QKI: variants seen among roughly 807,000 people sequenced by gnomAD.
The protein encoded by QKI is KH domain-containing RNA-binding protein QKI.
A neutral mutation model predicts 39.0 loss-of-function variants in QKI; 10 were observed. The observed-to-expected ratio is 0.26, with a 90% CI of 0.16 to 0.43. The LOEUF is 0.43. Ranked by LOEUF, QKI falls within the 20% of genes least tolerant of loss-of-function variation. QKI has a pLI of 1.00. For missense variants in QKI, 218 were observed against 428.0 expected, an observed-to-expected ratio of 0.51 and a Z score of 4.33; for synonymous variants, 204 against 155.4, an observed-to-expected ratio of 1.31 and a Z score of -2.33.
intron 7 of QKI, chr6:163,568,118 CAT>C (rs2128252130): frequency 2.0e-6 from 2 of 985,374 alleles, no homozygotes; most frequent in South Asian, 4.7e-5. Context: ...GAGCACGTCT[CAT>C]AGGGATGGGG....
intron 1 of QKI, among the ~76,000 whole-genome samples, chr6:163,422,128 A>T (rs1788041254): frequency 6.6e-6 from 1 of 152,188 alleles, no homozygotes; most frequent in Non-Finnish European, 1.5e-5. Context: ...ATGAATTTTT[A>T]AAAAATATAT....
At position 163,470,165 on chromosome 6, in the gene QKI, G is replaced by A. The variant is rs181717081; in HGVS notation, c.286-8615G>A. 2.4e-3 allele frequency among the ~76,000 whole-genome samples: 367 copies of A among 152,210 alleles called. 7 individuals are homozygous for A. The highest frequency in any genetic ancestry group is 9.0e-4 in the Non-Finnish European group (61 of 68,006). On this transcript the variant is annotated intron_variant, in intron 2 of 7. Coordinates refer to ENST00000361752, the MANE Select transcript of QKI (RefSeq NM_006775.3). Reference sequence around the variant, plus strand: ...GGGGATCTCTTTTTCTGCTGAGCACGTTTGCAGAATCTGGAGAGGACAGAC... The same window carrying A: ...GGGGATCTCTTTTTCTGCTGAGCACATTTGCAGAATCTGGAGAGGACAGAC...
At chr6:163,567,712 C>CA in intron 7 of QKI, 1 of 983,948 alleles carries the variant, frequency 1.0e-6, no homozygotes, top group Non-Finnish European at 1.2e-6. Flanking sequence ...ATAGGAATAT[C>CA]AAGCATGGTA....
chr6:163,567,174 G>A (rs1212127872), intron 7 of QKI: 30 of 1,007,306 alleles, frequency 3.0e-5, no homozygotes, highest in Non-Finnish European at 3.6e-5. Context: ...TGAATTGAAC[G>A]GATGGTGCTT....
At chr6:163,433,325 A>T (rs967560492) in intron 1 of QKI, among the ~76,000 whole-genome samples, 4 of 152,206 alleles carry the variant, frequency 2.6e-5, no homozygotes, top group African/African-American at 9.6e-5. Context: ...GTGAAAGTAT[A>T]GGAGCAAGTG....
In QKI at chr6:163,427,506, A is replaced by G. The variant is rs186586551; in HGVS notation, c.142+12171A>G. The stretch of plus-strand genomic sequence containing the variant: ...TGGTGGGGGGGTCCTCATTCTGTGT[A>G]TACTAAGTTTTAATTTCTACTGAAT... On this transcript the variant is annotated intron_variant, in intron 1 of 7. Coordinates refer to ENST00000361752, the MANE Select transcript of QKI (RefSeq NM_006775.3). 6.4e-3 allele frequency among the ~76,000 whole-genome samples: 972 copies of G among 152,028 alleles called. 2 individuals are homozygous for G. The highest frequency in any genetic ancestry group is 0.02 in the Middle Eastern group (6 of 294).
At chr6:163,533,088 T>G (rs992574853) in intron 3 of QKI, among the ~76,000 whole-genome samples, 5 of 152,004 alleles carry the variant, frequency 3.3e-5, no homozygotes, top group African/African-American at 1.2e-4. Flanking sequence ...AGGTGCACTT[T>G]TAGGCCCACC....
At chr6:163,564,847 G>A in intron 6 of QKI, 1 of 1,479,072 alleles carries the variant, frequency 6.8e-7, no homozygotes. Context: ...ATATGACCTT[G>A]GTGCTGCATG....
At chr6:163,421,324 T>C (rs1373394846) in intron 1 of QKI, among the ~76,000 whole-genome samples, 1 of 152,266 alleles carries the variant, frequency 6.6e-6, no homozygotes, top group African/African-American at 2.4e-5. Flanking sequence ...GTATAGTTTC[T>C]TGTCAGTCCT....
At chr6:163,476,314 G>A (rs202161216) in intron 2 of QKI, among the ~76,000 whole-genome samples, 4 of 140,626 alleles carry the variant, frequency 2.8e-5, no homozygotes, top group East Asian at 4.1e-4. Context: ...TCTTTGTCCT[G>A]TAGTCTTTTT....
chr6:163,509,151 A>G (rs111455440), intron 3 of QKI, among the ~76,000 whole-genome samples: 3,495 of 149,954 alleles, frequency 0.023, 128 homozygotes, highest in African/African-American at 0.083. Flanking sequence ...CAGTCAGTCA[A>G]TCAGTCAGTC....
At chr6:163,497,372 A>C (rs1324785800) in intron 3 of QKI, among the ~76,000 whole-genome samples, 1 of 152,130 alleles carries the variant, frequency 6.6e-6, no homozygotes, top group African/African-American at 2.4e-5. Context: ...TTATTGACTT[A>C]AAATTTTTAA....
At chr6:163,455,489 G>A in intron 2 of QKI, 68 bp downstream of exon 2, 2 of 1,423,396 alleles carry the variant, frequency 1.4e-6, no homozygotes, top group Non-Finnish European at 9.6e-7. Flanking sequence ...GATATATTTG[G>A]TGGTAAATAC....
chr6:163,451,664 G>A (rs1022850452), intron 1 of QKI, among the ~76,000 whole-genome samples: 1 of 152,136 alleles, frequency 6.6e-6, no homozygotes, highest in African/African-American at 2.4e-5. Flanking sequence ...TGTACTATGC[G>A]TGATTAAGCA....
At chr6:163,547,481 T>C (rs547020281) in intron 4 of QKI, among the ~76,000 whole-genome samples, 79 of 152,346 alleles carry the variant, frequency 5.2e-4, no homozygotes, top group African/African-American at 1.9e-3. Context: ...ACCACTGCAG[T>C]GCTGATTGTT....
intron 3 of QKI, among the ~76,000 whole-genome samples, chr6:163,482,938 A>G (rs1330270979): frequency 1.3e-5 from 2 of 152,092 alleles, no homozygotes; most frequent in Admixed American, 1.3e-4. Context: ...AGCCCTCTGT[A>G]TACTTGGTTA....
chr6:163,426,617 A>G (rs774752442), intron 1 of QKI, among the ~76,000 whole-genome samples: 2 of 152,158 alleles, frequency 1.3e-5, no homozygotes, highest in Non-Finnish European at 2.9e-5. Flanking sequence ...TGCCTGAATC[A>G]GTTTCATCAG....
chr6:163,544,752 A>G (rs1562529448), intron 4 of QKI, among the ~76,000 whole-genome samples: 2 of 152,126 alleles, frequency 1.3e-5, no homozygotes, highest in African/African-American at 4.8e-5. Flanking sequence ...TTTGGTTGTT[A>G]CTAACCCTAG....
chr6:163,487,000 AATATGTT>A (rs1777724394), intron 3 of QKI, among the ~76,000 whole-genome samples: 1 of 152,140 alleles, frequency 6.6e-6, no homozygotes, highest in Non-Finnish European at 1.5e-5. Context: ...ATTCTTATGA[AATATGTT>A]ACTGCTGTGT....
Sources: gnomAD v4.1 joint callset for allele counts (sites outside exome capture counted in the v4.1 genomes callset) on GRCh38, gnomAD v4.1.1 for gene constraint, MANE v1.5 for transcripts, NCBI Gene and HGNC (gene_info 2026-07-23, HGNC 2026-07-21) for gene names.